CLCN3: variants seen among roughly 807,000 people sequenced by gnomAD.
The protein encoded by CLCN3 is H(+)/Cl(-) exchange transporter 3.
CLCN3 carries 16 observed loss-of-function variants against 83.4 expected under a neutral mutation model. The observed-to-expected ratio is 0.19, with a 90% confidence interval of 0.13 to 0.29. The LOEUF is 0.29. Ranked by LOEUF, CLCN3 falls within the 10% of genes least tolerant of loss-of-function variation. The pLI, the probability that CLCN3 is intolerant of heterozygous loss-of-function variation, is 1.00. For synonymous variants in CLCN3, 322 were observed against 346.2 expected (o/e 0.93, Z 0.78); for missense variants, 544 against 1,006.0 (o/e 0.54, Z 6.21).
At chr4:169,698,694 TACC>T (rs540024801) in intron 9 of CLCN3, among the ~76,000 whole-genome samples, 163 of 152,354 alleles carry the variant, frequency 1.1e-3, no homozygotes, top group African/African-American at 3.8e-3. Flanking sequence ...TGTAATAAAT[TACC>T]ACAACTTAAT....
chr4:169,680,408 G>A, intron 3 of CLCN3: 2 of 426,384 alleles, frequency 4.7e-6, no homozygotes, highest in Non-Finnish European at 8.3e-6. Flanking sequence ...TTTCCAGAAA[G>A]GATTTCAGGT....
In CLCN3 at chr4:169,704,325, G is replaced by A. The variant is rs534981473; in HGVS notation, c.1750+141G>A. 9 of 671,944 alleles carry A rather than the reference G, an allele frequency of 1.3e-5. No homozygotes were observed. The East Asian group carries it at 2.5e-4, about 18-fold the overall frequency. The allele number at this position is 671,944 out of a possible 1,614,324, so 41.6% of individuals were successfully genotyped here. On this transcript the variant is annotated intron_variant, in intron 10 of 12. Transcript: ENST00000513761. ...CAGGAGGAGATGTTTTAACAGATAA[G>A]AAACAGTAGTACTATTAGGGTATTA... is the stretch of plus-strand genomic sequence containing the variant.
At chr4:169,689,701 T>G (rs1195333294) in intron 5 of CLCN3, among the ~76,000 whole-genome samples, 1 of 152,240 alleles carries the variant, frequency 6.6e-6, no homozygotes, top group Non-Finnish European at 1.5e-5. Context: ...AAAGAACATT[T>G]TAGAACTTAG....
At chr4:169,714,887 G>A (rs1733367693) in intron 12 of CLCN3, among the ~76,000 whole-genome samples, 2 of 152,072 alleles carry the variant, frequency 1.3e-5, no homozygotes, top group Admixed American at 6.5e-5. Context: ...TTGTCTTTGT[G>A]TAATATTGTT....
At chr4:169,683,362 T>G (rs1732021654) in intron 3 of CLCN3, among the ~76,000 whole-genome samples, 1 of 152,104 alleles carries the variant, frequency 6.6e-6, no homozygotes, top group African/African-American at 2.4e-5. Flanking sequence ...GGGTATAGTG[T>G]CTTGCGCCTA....
chr4:169,711,124 G>A (rs1263550679), intron 11 of CLCN3, among the ~76,000 whole-genome samples: 1 of 152,110 alleles, frequency 6.6e-6, no homozygotes, highest in Non-Finnish European at 1.5e-5. Flanking sequence ...AACTTCAGTT[G>A]CTTACAAAAA....
At chr4:169,679,158 C>A (rs958887345) in intron 2 of CLCN3, among the ~76,000 whole-genome samples, 1 of 147,314 alleles carries the variant, frequency 6.8e-6, no homozygotes, top group Non-Finnish European at 1.5e-5. Context: ...GGCAGAGGTG[C>A]TCCTCACCTC....
chr4:169,669,241 G>A (rs565445649), intron 2 of CLCN3, among the ~76,000 whole-genome samples: 1 of 152,132 alleles, frequency 6.6e-6, no homozygotes, highest in Non-Finnish European at 1.5e-5. Flanking sequence ...ACTTAAAATC[G>A]TAAAAATTAA....
In CLCN3 at chr4:169,672,279, A is replaced by G. The variant is rs1039607292; in HGVS notation, c.161-7771A>G. ...ATAGATAAAATGAGGATCTGGGACT[A>G]CAGACGTGCACCACCACACCCAGAT... is the stretch of plus-strand genomic sequence containing the variant. On this transcript the variant is annotated intron_variant, in intron 2 of 12. Coordinates refer to ENST00000513761, the MANE Select transcript of CLCN3 (RefSeq NM_001829.4). Among the ~76,000 whole-genome samples the G allele has an allele frequency of 8.0e-5, 11 of 137,484 alleles. No homozygotes were observed. In the East Asian group the frequency reaches 1.6e-3, roughly 19 times the overall value. 90.2% of individuals were successfully genotyped at this position (137,484 alleles called of 152,430 possible).
chr4:169,687,573 G>A, intron 3 of CLCN3, 85 bp from the exon 4 acceptor site: 2 of 846,546 alleles, frequency 2.4e-6, no homozygotes, highest in East Asian at 2.6e-5. Context: ...TTCTATGTAT[G>A]GTAAATGAGA....
chr4:169,631,189 C>A (rs1489768588), intron 1 of CLCN3, among the ~76,000 whole-genome samples: 1 of 152,138 alleles, frequency 6.6e-6, no homozygotes, highest in African/African-American at 2.4e-5. Flanking sequence ...ATTTCCATTT[C>A]TCTAATGATT....
At chr4:169,662,865 A>G (rs1731103280) in intron 2 of CLCN3, 1 of 152,150 alleles carries the variant, frequency 6.6e-6, no homozygotes, top group Admixed American at 6.5e-5. Context: ...TAGATTTCCT[A>G]TATAGAAACA....
intron 2 of CLCN3, among the ~76,000 whole-genome samples, chr4:169,679,309 C>T (rs956475630): frequency 4.6e-5 from 7 of 150,628 alleles, no homozygotes; most frequent in African/African-American, 1.2e-4. Context: ...CGGGCAGAGA[C>T]GCTCCTCACT....
chr4:169,663,441 C>T (rs570250695), intron 2 of CLCN3: 10 of 242,282 alleles, frequency 4.1e-5, no homozygotes, highest in African/African-American at 1.2e-4. Context: ...TTAGATCCTC[C>T]GTCTCACCCT....
At chr4:169,698,276 A>G (rs1401321016) in intron 9 of CLCN3, among the ~76,000 whole-genome samples, 1 of 152,200 alleles carries the variant, frequency 6.6e-6, no homozygotes, top group African/African-American at 2.4e-5. Context: ...TAAGTGTACA[A>G]TTAAATTATT....
intron 4 of CLCN3, among the ~76,000 whole-genome samples, chr4:169,688,685 A>C (rs1280943765): frequency 6.6e-6 from 1 of 152,198 alleles, no homozygotes; most frequent in Admixed American, 6.5e-5. Flanking sequence ...TTTTAATGAA[A>C]TTGACATCAT....
intron 9 of CLCN3, among the ~76,000 whole-genome samples, chr4:169,698,926 T>A (rs1732673141): frequency 6.6e-6 from 1 of 152,188 alleles, no homozygotes; most frequent in Non-Finnish European, 1.5e-5. Flanking sequence ...GGTCAAGTCT[T>A]TCTCTTGTCT....
intron 2 of CLCN3, among the ~76,000 whole-genome samples, chr4:169,648,045 G>A (rs1263484207): frequency 6.6e-6 from 1 of 152,124 alleles, no homozygotes; most frequent in Non-Finnish European, 1.5e-5. Flanking sequence ...CATTTTACAG[G>A]ATACCTGACT....
At chr4:169,629,412 G>T (rs1363131989) in intron 1 of CLCN3, among the ~76,000 whole-genome samples, 1 of 151,898 alleles carries the variant, frequency 6.6e-6, no homozygotes, top group Non-Finnish European at 1.5e-5. Flanking sequence ...AGTTGCCCAG[G>T]CTGGAGTGCA....
Sources: allele counts gnomAD v4.1 joint callset (sites outside exome capture counted in the v4.1 genomes callset), GRCh38; gene constraint gnomAD v4.1.1; transcripts MANE v1.5; gene names NCBI Gene and HGNC (gene_info 2026-07-23, HGNC 2026-07-21).